EXTL1: variants seen among roughly 807,000 people sequenced by gnomAD.
The protein encoded by EXTL1 is exostosin-like 1.
Under a neutral mutation model 64.6 loss-of-function variants are expected in EXTL1, and 43 were observed. The observed-to-expected ratio is 0.67, with a 90% confidence interval of 0.52 to 0.86. The LOEUF (loss-of-function observed/expected upper bound fraction) is 0.86. Ranked by LOEUF, EXTL1 falls within the 40% of genes least tolerant of loss-of-function variation. The pLI, the probability that EXTL1 is intolerant of heterozygous loss-of-function variation, is 0.00. For missense variants in EXTL1, 766 were observed against 879.0 expected (o/e 0.87, Z 1.62); for synonymous variants, 352 against 360.5 (o/e 0.98, Z 0.27).
Position 26,025,353 on chromosome 1 carries a change from GC to G in EXTL1, c.779+1929del, listed in dbSNP as rs2050203411. ...TGGCTTGGGCCAGGTGCTGTGCCAG[GC>G]ACTTTACTTAAGTCACTGCTGATCC... On this transcript the variant is annotated intron_variant, in intron 1 of 10. Coordinates refer to ENST00000374280, the MANE Select transcript of EXTL1 (RefSeq NM_004455.3). This position sits in a 1 kb window ranked among gnomAD's most constrained non-coding sequence, Gnocchi z 5.3. 6.6e-6 allele frequency among the ~76,000 whole-genome samples: 1 copy of G among 152,054 alleles called. No individual in the cohort carries two copies. The highest frequency in any genetic ancestry group is 2.1e-4 in the South Asian group (1 of 4,830).
rs2050317507 is a variant in EXTL1 at position 26,034,423 on chromosome 1, G to GTAAT, written c.1680-412_1680-411insAATT. Among the ~76,000 whole-genome samples the GTAAT allele has an allele frequency of 6.6e-6, 1 of 152,244 alleles. No homozygotes were observed. Among genetic ancestry groups the GTAAT allele is most frequent in the Non-Finnish European group, 1.5e-5 (1 of 68,044 alleles). On this transcript the variant is annotated intron_variant, in intron 9 of 10. Coordinates refer to ENST00000374280, the MANE Select transcript of EXTL1 (RefSeq NM_004455.3). The surrounding 1 kb of genome is among the most constrained non-coding windows in gnomAD (Gnocchi z 4.6). Reference sequence around the variant, plus strand: ...TCAGTAGAGTGAAGAATTACCTAATGTCTGCGAGATGAGGCTGGCCTGTCT... The same window carrying GTAAT: ...TCAGTAGAGTGAAGAATTACCTAATGTAATTCTGCGAGATGAGGCTGGCCTGTCT...
At chr1:26,029,750 A>G (rs745946418) in intron 3 of EXTL1, 43 bp downstream of exon 3, 1 of 1,310,856 alleles carries the variant, frequency 7.6e-7, no homozygotes, top group Non-Finnish European at 1.1e-6. Flanking sequence ...TGGACCCAGG[A>G]CAGGGGAGGG....
At chr1:26,030,414 C>G (rs1374921184) in intron 3 of EXTL1, 62 bp from the exon 4 acceptor site, 8 of 1,534,496 alleles carry the variant, frequency 5.2e-6, no homozygotes, top group Non-Finnish European at 7.1e-6. Flanking sequence ...CTCACTGCAG[C>G]GTCGACCTCC....
At chr1:26,028,508 G>T (rs2050242309) in intron 1 of EXTL1, among the ~76,000 whole-genome samples, 1 of 152,214 alleles carries the variant, frequency 6.6e-6, no homozygotes, top group Admixed American at 6.5e-5. Flanking sequence ...TGCAGGCAAT[G>T]GTCCCCTGGG....
intron 6 of EXTL1, chr1:26,032,160 T>G: frequency 2.1e-6 from 1 of 485,054 alleles, no homozygotes; most frequent in Non-Finnish European, 3.7e-6. Context: ...CTCTCTTGAG[T>G]TCTGAAGCCA....
At position 26,034,698 on chromosome 1, in the gene EXTL1, A is replaced by C; in HGVS notation, c.1680-138A>C. On this transcript the variant is annotated intron_variant, in intron 9 of 10. Coordinates refer to ENST00000374280, the MANE Select transcript of EXTL1 (RefSeq NM_004455.3). The surrounding 1 kb of genome is among the most constrained non-coding windows in gnomAD (Gnocchi z 4.6). ...CAATGGAGAGCTGTTCACGCCAGGGATGGGAGCTCTCTGAGGCAGCCAGGG... is the reference window on the plus strand; with the variant it reads ...CAATGGAGAGCTGTTCACGCCAGGGCTGGGAGCTCTCTGAGGCAGCCAGGG... 1 of 793,000 alleles carries C rather than the reference A, an allele frequency of 1.3e-6. No individual in the cohort carries two copies. The highest frequency in any genetic ancestry group is 2.1e-6 in the Non-Finnish European group (1 of 481,722). The allele number at this position is 793,000 out of a possible 1,614,324, so 49.1% of individuals were successfully genotyped here.
Position 26,023,267 on chromosome 1 carries a change from G to T in EXTL1, c.621G>T (p.Leu207Phe). 1.9e-6 allele frequency: 3 copies of T among 1,584,222 alleles called. No homozygotes were observed. Among genetic ancestry groups the T allele is most frequent in the Non-Finnish European group, 2.6e-6 (3 of 1,161,290 alleles). Residue 207 changes from leucine (L) to phenylalanine (F), a missense_variant, in exon 1 of 11, where the codon TTG (leucine) becomes TTT (phenylalanine). By Grantham distance (22) the Leu-to-Phe change is conservative (BLOSUM62 0). Around this residue, in one of 3 missense-constraint regions of EXTL1, gnomAD observed 571 missense variants for 647.6 expected, o/e 0.88. Coordinates refer to ENST00000374280, the MANE Select transcript of EXTL1 (RefSeq NM_004455.3). ...CTTTTCTCCCTGAAGCCCACCCGTT[G>T]CGAGGTGGGGCTCCTGGCCAGCTGC... Reference protein sequence around the residue: ...ALPFLPEAHPLRGGAPGQLRQ... With the variant: ...ALPFLPEAHPFRGGAPGQLRQ...
At chr1:26,032,717 G>A (rs541812362) in intron 7 of EXTL1, among the ~76,000 whole-genome samples, 2 of 152,302 alleles carry the variant, frequency 1.3e-5, no homozygotes, top group South Asian at 2.1e-4. Flanking sequence ...AGAGGAGAGC[G>A]CTGACATCTC....
chr1:26,022,933 T>C lies in EXTL1; in HGVS notation c.287T>C (p.Leu96Pro). ...ACCTCAAAGTGCAGGGGCGATGGCCTTAAGGTATTCGTGTACCCAGCGGTT... is the reference window on the plus strand; with the variant it reads ...ACCTCAAAGTGCAGGGGCGATGGCCCTAAGGTATTCGTGTACCCAGCGGTT... ...FDTSKCRGDG[L>P]KVFVYPAVGT... The change falls in exon 1 of 11, where the codon CTT (leucine) becomes CCT (proline). Residue 96 changes from leucine to proline, a missense_variant. By Grantham distance (98) the Leu-to-Pro change is moderately conservative. Coordinates refer to ENST00000374280, the MANE Select transcript of EXTL1 (RefSeq NM_004455.3). The C allele has an allele frequency of 6.2e-7, 1 of 1,614,162 alleles. No homozygotes were observed. The highest frequency in any genetic ancestry group is 8.5e-7 in the Non-Finnish European group (1 of 1,180,022).
At position 26,031,569 on chromosome 1, in the gene EXTL1, C is replaced by T; in HGVS notation, c.1341+3C>T. 1 of 1,552,574 alleles carries T rather than the reference C, an allele frequency of 6.4e-7. No individual in the cohort carries two copies. Among genetic ancestry groups the T allele is most frequent in the Non-Finnish European group, 8.7e-7 (1 of 1,145,096 alleles). On this transcript the variant is annotated splice_donor_region_variant and intron_variant, in intron 6 of 10. Transcript: ENST00000374280. ...CAGGCTCCCAGCACTGTGCCCAGGT[C>T]TGCCCCCTTCCCAGCTGGAGTCCTG...
chr1:26,030,846 C>T (rs1281506258), intron 4 of EXTL1, among the ~76,000 whole-genome samples: 3 of 152,168 alleles, frequency 2.0e-5, no homozygotes, highest in Admixed American at 6.5e-5. Context: ...GCCAGTTGAC[C>T]GCCGATGGCT....
rs903827092 is a variant in EXTL1, at chr1:26,022,134, G to C, written c.-513G>C. Reference sequence around the variant, plus strand: ...GGGCAGCCAGGGCTGCTCAGGCAAGGGGAGGAGTGGGAAGACCAGCCCAGC... The same window carrying C: ...GGGCAGCCAGGGCTGCTCAGGCAAGCGGAGGAGTGGGAAGACCAGCCCAGC... On this transcript the variant is annotated 5_prime_UTR_variant, in exon 1 of 11. Transcript: ENST00000374280. 6.5e-6 allele frequency: 1 copy of C among 153,534 alleles called. No individual in the cohort carries two copies. The highest frequency in any genetic ancestry group is 1.4e-5 in the Non-Finnish European group (1 of 69,026). The allele number at this position is 153,534 out of a possible 1,614,324, so 9.5% of individuals were successfully genotyped here. A position where few individuals can be genotyped will look rare whatever the true frequency, so the allele number is the denominator to read the frequency against.
intron 1 of EXTL1, among the ~76,000 whole-genome samples, chr1:26,028,583 G>A (rs1278177532): frequency 1.3e-5 from 2 of 152,166 alleles, no homozygotes; most frequent in African/African-American, 4.8e-5. Context: ...GGCACACACA[G>A]CCTGAGTGTG....
intron 2 of EXTL1, 140 bp from the exon 3 acceptor site, chr1:26,029,460 C>T: frequency 1.4e-6 from 1 of 698,692 alleles, no homozygotes; most frequent in South Asian, 1.7e-5. Context: ...CAACCATAAC[C>T]TCCCCTCCCT....
At position 26,034,996 on chromosome 1, in the gene EXTL1, G is replaced by T. The variant is rs1167098773; in HGVS notation, c.1840G>T (p.Ala614Ser). 1 of 1,614,130 alleles carries T rather than the reference G, an allele frequency of 6.2e-7. No homozygotes were observed. Among genetic ancestry groups the T allele is most frequent in the East Asian group, 2.2e-5 (1 of 44,888 alleles). Residue 614 changes from alanine (A) to serine (S), a missense_variant, in exon 10 of 11, where the codon GCT becomes TCT. Physicochemically the swap from Ala to Ser is moderately conservative, Grantham distance 99. Transcript: ENST00000374280. This position sits in a 1 kb window ranked among gnomAD's most constrained non-coding sequence, Gnocchi z 4.6. ...CTATGGCAAGCAGCGCCAGGAGGCT[G>T]CTCCACTGGTGAGGGCTGAGGGGGA... Reference protein sequence around the residue: ...VPYGKQRQEAAPLAPGGPGPR... With the variant: ...VPYGKQRQEASPLAPGGPGPR...
At chr1:26,030,330 C>CT (rs1213800896) in intron 3 of EXTL1, 146 bp from the exon 4 acceptor site, 24,269 of 381,372 alleles carry the variant, frequency 0.064, 1,400 homozygotes, top group African/African-American at 0.23. Flanking sequence ...CTGAATGCTT[C>CT]TTTTTTTTTT....
Position 26,023,089 on chromosome 1 carries a change from C to T in EXTL1, c.443C>T (p.Ser148Leu). The T allele has an allele frequency of 1.2e-6, 2 of 1,613,720 alleles. No individual in the cohort carries two copies. The highest frequency in any genetic ancestry group is 1.7e-6 in the Non-Finnish European group (2 of 1,179,840). Residue 148 changes from serine (S) to leucine (L), a missense_variant, in exon 1 of 11, where the codon TCA becomes TTA. By Grantham distance (145) the Ser-to-Leu change is moderately radical (BLOSUM62 -2). Transcript: ENST00000374280. The stretch of plus-strand genomic sequence containing the variant: ...GACGCCCAGACTGGAGAGTGCAGCT[C>T]AATGCCTCTGCAATGGAACAGGGGC... ...SLDAQTGECS[S>L]MPLQWNRGRN...
rs569538850 is a variant in EXTL1, at chr1:26,033,880, G to A, written c.1679+24G>A. ...AGGTACAGACCCCTACCCTGCACAG[G>A]GATCAGAGTATCAGAGGACCAGAGA... is the stretch of plus-strand genomic sequence containing the variant. On this transcript the variant is annotated intron_variant, in intron 9 of 10. Transcript: ENST00000374280. This position sits in a 1 kb window ranked among gnomAD's most constrained non-coding sequence, Gnocchi z 5.1. The A allele has an allele frequency of 7.5e-6, 12 of 1,594,606 alleles. No individual in the cohort carries two copies. In the African/African-American group the frequency reaches 1.6e-4, roughly 21 times the overall value.
rs1381810297 is a variant in EXTL1 at position 26,025,916 on chromosome 1, A to T, written c.779+2491A>T. On this transcript the variant is annotated intron_variant, in intron 1 of 10. Transcript: ENST00000374280. The surrounding 1 kb of genome is among the most constrained non-coding windows in gnomAD (Gnocchi z 5.3). ...ATTGGGAACAAGGGGCACAGTCAGT[A>T]CCTAGGGCCCATGATACTTTTATAG... Among the ~76,000 whole-genome samples the T allele has an allele frequency of 2.6e-5, 4 of 152,164 alleles. No individual in the cohort carries two copies. The highest frequency in any genetic ancestry group is 5.9e-5 in the Non-Finnish European group (4 of 68,016).
Sources: gnomAD v4.1 joint callset for allele counts (sites outside exome capture counted in the v4.1 genomes callset) on GRCh38, gnomAD v4.1.1 for gene constraint, gnomAD v4.1.1 regional missense constraint, Gnocchi (gnomAD v3.1) non-coding constraint, MANE v1.5 for transcripts, NCBI Gene and HGNC (gene_info 2026-07-23, HGNC 2026-07-21) for gene names.